Variants in CNTN5 observed in about 807,000 individuals in gnomAD.
CNTN5 encodes the protein contactin-5.
Under a neutral mutation model 129.1 loss-of-function variants are expected in CNTN5, and 77 were observed. That is an observed-to-expected ratio of 0.60 (90% CI 0.50 to 0.72). The LOEUF is 0.72. Ranked by LOEUF, CNTN5 falls within the 30% of genes least tolerant of loss-of-function variation. The pLI, the probability that CNTN5 is intolerant of heterozygous loss-of-function variation, is 0.00. For synonymous variants in CNTN5, 509 were observed against 465.6 expected (o/e 1.09, Z -1.20); for missense variants, 1,478 against 1,328.8 (o/e 1.11, Z -1.75).
At chr11:99,792,004 T>A (rs747820000) in intron 3 of CNTN5, among the ~76,000 whole-genome samples, 6 of 151,874 alleles carry the variant, frequency 4.0e-5, no homozygotes, top group Non-Finnish European at 8.8e-5. Context: ...TTTGGTGGGG[T>A]CTTTAGGGCT....
At chr11:99,198,813 GTTTTT>G (rs1859029951) in intron 1 of CNTN5, among the ~76,000 whole-genome samples, 1 of 152,018 alleles carries the variant, frequency 6.6e-6, no homozygotes, top group African/African-American at 2.4e-5. Flanking sequence ...TACTAATTTT[GTTTTT>G]TGAGACTGTC....
At chr11:99,446,974 T>A (rs556700222) in intron 2 of CNTN5, among the ~76,000 whole-genome samples, 15 of 152,316 alleles carry the variant, frequency 9.8e-5, no homozygotes, top group African/African-American at 3.4e-4. Context: ...AGCTTTTTCA[T>A]GTTTTGAGGC....
intron 13 of CNTN5, among the ~76,000 whole-genome samples, chr11:100,135,861 T>A (rs1323298605): frequency 6.6e-6 from 1 of 152,106 alleles, no homozygotes; most frequent in Non-Finnish European, 1.5e-5. Context: ...AATCATAACT[T>A]ATAGGTTGAT....
chr11:100,107,336 T>C (rs1303903573), intron 13 of CNTN5, among the ~76,000 whole-genome samples: 1 of 152,062 alleles, frequency 6.6e-6, no homozygotes, highest in African/African-American at 2.4e-5. Flanking sequence ...AAAAATAATT[T>C]CTAACTTAGC....
At chr11:99,855,901 AT>A (rs35941073) in intron 6 of CNTN5, among the ~76,000 whole-genome samples, 6 of 152,116 alleles carry the variant, frequency 3.9e-5, no homozygotes, top group Non-Finnish European at 7.4e-5. Flanking sequence ...TATCCTTAGA[AT>A]TTTTTTCAAT....
At chr11:100,231,741 CATTCTATTCT>C (rs1293288046) in intron 16 of CNTN5, among the ~76,000 whole-genome samples, 1 of 152,128 alleles carries the variant, frequency 6.6e-6, no homozygotes, top group Non-Finnish European at 1.5e-5. Flanking sequence ...TAGGGTTCTC[CATTCTATTCT>C]ATTCTAAGCA....
chr11:100,089,688 A>G lies in CNTN5; in HGVS notation c.1580+15394A>G, dbSNP rs541612684. Among the ~76,000 whole-genome samples the G allele has an allele frequency of 6.6e-5, 10 of 152,294 alleles. No individual in the cohort carries two copies. The South Asian group carries it at 1.7e-3, about 25-fold the overall frequency. On this transcript the variant is annotated intron_variant, in intron 13 of 24. Transcript: ENST00000524871. Reference sequence around the variant, plus strand: ...AGACTGGATAAAGAAAACATGGTACATATACGTCATGGAATACTATGAAGC... The same window carrying G: ...AGACTGGATAAAGAAAACATGGTACGTATACGTCATGGAATACTATGAAGC...
At chr11:100,079,978 G>A (rs988612352) in intron 13 of CNTN5, among the ~76,000 whole-genome samples, 1 of 152,080 alleles carries the variant, frequency 6.6e-6, no homozygotes, top group Non-Finnish European at 1.5e-5. Context: ...ATTATTACAT[G>A]TTCAATTTCC....
chr11:99,595,541 T>G (rs1222712656), intron 3 of CNTN5, among the ~76,000 whole-genome samples: 2 of 151,968 alleles, frequency 1.3e-5, no homozygotes, highest in Non-Finnish European at 2.9e-5. Flanking sequence ...TAAAGTGCAA[T>G]ATTAAAAAGC....
chr11:99,880,887 T>C (rs1239608300), intron 6 of CNTN5, among the ~76,000 whole-genome samples: 1 of 152,154 alleles, frequency 6.6e-6, no homozygotes. Flanking sequence ...CAGGGAAATG[T>C]TATGACTTTT....
intron 18 of CNTN5, among the ~76,000 whole-genome samples, chr11:100,289,332 T>C (rs1266820179): frequency 6.6e-6 from 1 of 152,092 alleles, no homozygotes; most frequent in Admixed American, 6.6e-5. Flanking sequence ...ACCAATATCC[T>C]TGATGAACAT....
At position 100,197,247 on chromosome 11, in the gene CNTN5, A is replaced by T. The variant is rs1195040670; in HGVS notation, c.1884+3584A>T. ...TAGACAATAAGTCACTGTTTGTTGA[A>T]TAAGTTTAAAGGAAAGCAGCAGAGG... On this transcript the variant is annotated intron_variant, in intron 15 of 24. Coordinates refer to ENST00000524871, the MANE Select transcript of CNTN5 (RefSeq NM_014361.4). Among the ~76,000 whole-genome samples the T allele has an allele frequency of 2.0e-5, 3 of 151,952 alleles. No individual in the cohort carries two copies. In the East Asian group the frequency reaches 5.8e-4, roughly 29 times the overall value.
rs562057262 is a variant in CNTN5 at position 100,234,866 on chromosome 11, G to A, written c.2005+10054G>A. On this transcript the variant is annotated intron_variant, in intron 16 of 24. Coordinates refer to ENST00000524871, the MANE Select transcript of CNTN5 (RefSeq NM_014361.4). ...AATGCCACCAGGAAAACTGAGCACC[G>A]ATAGACTTCTTTCTGCATAATCTCT... Among the ~76,000 whole-genome samples the A allele has an allele frequency of 8.8e-5, 13 of 148,394 alleles. No homozygotes were observed. The South Asian group carries it at 1.1e-3, about 12-fold the overall frequency.
At chr11:100,132,305 A>T (rs74457119) in intron 13 of CNTN5, among the ~76,000 whole-genome samples, 1 of 152,120 alleles carries the variant, frequency 6.6e-6, no homozygotes, top group Non-Finnish European at 1.5e-5. Flanking sequence ...TATAATGATT[A>T]TGAAAATTAA....
At chr11:99,689,303 A>G (rs572199313) in intron 3 of CNTN5, among the ~76,000 whole-genome samples, 4 of 152,062 alleles carry the variant, frequency 2.6e-5, no homozygotes, top group Admixed American at 6.5e-5. Context: ...CAAGGCGGGC[A>G]GATCACAAGG....
rs112746961 is a variant in CNTN5 at position 99,154,157 on chromosome 11, T to C, written c.-210+132887T>C. Among the ~76,000 whole-genome samples the C allele has an allele frequency of 1.6e-4, 24 of 152,238 alleles. 1 individual carries two copies. The highest frequency in any genetic ancestry group is 5.1e-4 in the African/African-American group (21 of 41,540). The stretch of plus-strand genomic sequence containing the variant: ...CAGCAATTGTGACACTGTAGTGGGG[T>C]ACAAGCACATTTCCTGTGGTGGGGA... On this transcript the variant is annotated intron_variant, in intron 1 of 24. Coordinates refer to ENST00000524871, the MANE Select transcript of CNTN5 (RefSeq NM_014361.4).
intron 1 of CNTN5, among the ~76,000 whole-genome samples, chr11:99,226,552 C>G (rs534140003): frequency 3.2e-4 from 48 of 152,262 alleles, no homozygotes; most frequent in South Asian, 8.3e-4. Context: ...CCAACTGTAC[C>G]TCGATAACAG....
Position 99,571,483 on chromosome 11 carries a change from C to T in CNTN5, c.55+15214C>T, listed in dbSNP as rs375770448. On this transcript the variant is annotated intron_variant, in intron 3 of 24. Transcript: ENST00000524871. ...GGAAACCAAAGTTAGGAAACCTTGA[C>T]ACTTTAAACTCTGTTGTAACAGAAA... Among the ~76,000 whole-genome samples the T allele has an allele frequency of 2.6e-5, 4 of 152,216 alleles. No individual in the cohort carries two copies. The South Asian group carries it at 6.2e-4, about 24-fold the overall frequency.
intron 13 of CNTN5, among the ~76,000 whole-genome samples, chr11:100,090,117 AATAG>A (rs929067653): frequency 1.3e-5 from 2 of 152,116 alleles, no homozygotes; most frequent in African/African-American, 4.8e-5. Flanking sequence ...TGATCTTCTC[AATAG>A]ATAGAGAAAA....
Sources: gnomAD v4.1 joint callset for allele counts (sites outside exome capture counted in the v4.1 genomes callset) on GRCh38, gnomAD v4.1.1 for gene constraint, MANE v1.5 for transcripts, NCBI Gene and HGNC (gene_info 2026-07-23, HGNC 2026-07-21) for gene names.